Variants in PICALM observed in about 807,000 individuals in gnomAD.
PICALM encodes the protein phosphatidylinositol-binding clathrin assembly protein.
In PICALM, 40 loss-of-function variants were observed where a neutral mutation model predicts 80.5. That is an observed-to-expected ratio of 0.50 (90% confidence interval 0.39 to 0.65). The LOEUF (loss-of-function observed/expected upper bound fraction) is 0.65, where lower values mean the gene tolerates loss of function less well. PICALM is among the 30% of genes least tolerant of loss of function. PICALM has a pLI of 0.00. For missense variants in PICALM, 676 were observed against 778.9 expected (o/e 0.87, Z 1.57); for synonymous variants, 288 against 260.3 (o/e 1.11, Z -1.02).
In PICALM at chr11:86,064,626, C is replaced by T. The variant is rs376868379; in HGVS notation, c.130+4025G>A. On this transcript the variant is annotated intron_variant, in intron 1 of 19. Transcript: ENST00000393346. ...TTCCACCACTGCACTCCAGCCTGGGCAACAGAGTAAGACCCACCTCATTTT... is the reference window on the plus strand; with the variant it reads ...TTCCACCACTGCACTCCAGCCTGGGTAACAGAGTAAGACCCACCTCATTTT... Among the ~76,000 whole-genome samples the T allele has an allele frequency of 3.8e-5, 5 of 130,972 alleles. No homozygotes were observed. The East Asian group carries it at 1.1e-3, about 28-fold the overall frequency. 85.9% of individuals were successfully genotyped at this position (130,972 alleles called of 152,430 possible). A position where few individuals can be genotyped will look rare whatever the true frequency, so the allele number is the denominator to read the frequency against.
chr11:86,057,439 T>A (rs1185036177), intron 1 of PICALM, among the ~76,000 whole-genome samples: 1 of 152,076 alleles, frequency 6.6e-6, no homozygotes, highest in Non-Finnish European at 1.5e-5. Flanking sequence ...CCCGGGAGGC[T>A]GAGACAGGAG....
intron 4 of PICALM, among the ~76,000 whole-genome samples, chr11:86,017,154 C>G (rs1392188045): frequency 2.0e-5 from 3 of 150,640 alleles, no homozygotes; most frequent in African/African-American, 7.3e-5. Flanking sequence ...ATCTGGAAGG[C>G]GGAGGTTGCA....
intron 7 of PICALM, among the ~76,000 whole-genome samples, chr11:86,010,643 G>A (rs1398777807): frequency 1.3e-5 from 2 of 152,038 alleles, no homozygotes; most frequent in Non-Finnish European, 2.9e-5. Flanking sequence ...TTTGAACTAT[G>A]GCTCCAGCTG....
chr11:86,045,424 C>G (rs1025251059), intron 1 of PICALM, among the ~76,000 whole-genome samples: 2 of 148,670 alleles, frequency 1.3e-5, no homozygotes, highest in South Asian at 2.1e-4. Flanking sequence ...ATCACTTCAG[C>G]CCAAGAGTTT....
chr11:85,986,456 TC>T (rs1206830469), intron 13 of PICALM, among the ~76,000 whole-genome samples: 1 of 134,486 alleles, frequency 7.4e-6, no homozygotes, highest in Non-Finnish European at 1.6e-5. Flanking sequence ...AGTGGCGCAA[TC>T]TCGGCTCACT....
rs752954277 is a variant in PICALM at position 86,059,118 on chromosome 11, G to C, written c.130+9533C>G. Among the ~76,000 whole-genome samples the C allele has an allele frequency of 2.1e-4, 32 of 152,190 alleles. 1 individual carries two copies. Among genetic ancestry groups the C allele is most frequent in the Admixed American group, 5.2e-4 (8 of 15,290 alleles). ...GACTCTATATATAAATTTGTAACCA[G>C]GCAATTTCCATAGTCACCATAAAAA... On this transcript the variant is annotated intron_variant, in intron 1 of 19. Coordinates refer to ENST00000393346, the MANE Select transcript of PICALM (RefSeq NM_007166.4).
chr11:85,959,020 G>C lies in PICALM; in HGVS notation c.*26C>G, dbSNP rs2093597502. The C allele has an allele frequency of 1.3e-6, 2 of 1,577,424 alleles. No homozygotes were observed. Among genetic ancestry groups the C allele is most frequent in the Non-Finnish European group, 1.7e-6 (2 of 1,154,620 alleles). On this transcript the variant is annotated 3_prime_UTR_variant, in exon 20 of 20. Coordinates refer to ENST00000393346, the MANE Select transcript of PICALM (RefSeq NM_007166.4). ...TGCTGCTTGAGCACTTGTCTTTTTG[G>C]AGTAATTCCATTTTCTTCCATCAAG...
intron 7 of PICALM, among the ~76,000 whole-genome samples, chr11:86,008,812 C>T (rs1472155457): frequency 6.6e-6 from 1 of 151,662 alleles, no homozygotes; most frequent in Non-Finnish European, 1.5e-5. Flanking sequence ...GGACTCTGGC[C>T]GGGCGCGGTG....
At chr11:86,049,492 C>T (rs1157641890) in intron 1 of PICALM, among the ~76,000 whole-genome samples, 4 of 152,144 alleles carry the variant, frequency 2.6e-5, no homozygotes, top group South Asian at 2.1e-4. Flanking sequence ...CCCATGACAG[C>T]TCGCCTGAAA....
At chr11:85,965,577 A>G (rs527415304) in intron 19 of PICALM, among the ~76,000 whole-genome samples, 71 of 152,238 alleles carry the variant, frequency 4.7e-4, no homozygotes, top group African/African-American at 1.7e-3. Flanking sequence ...TCATTTATTT[A>G]TATTAAAGAT....
intron 4 of PICALM, among the ~76,000 whole-genome samples, chr11:86,021,178 T>C (rs1405367637): frequency 6.6e-6 from 1 of 152,066 alleles, no homozygotes; most frequent in Non-Finnish European, 1.5e-5. Flanking sequence ...TGAGAACTCA[T>C]TTGTATGAAA....
intron 1 of PICALM, among the ~76,000 whole-genome samples, chr11:86,050,754 A>G (rs1257918079): frequency 6.6e-6 from 1 of 152,192 alleles, no homozygotes; most frequent in Non-Finnish European, 1.5e-5. Flanking sequence ...TGATCCCCCA[A>G]TATGAACAAC....
intron 19 of PICALM, among the ~76,000 whole-genome samples, chr11:85,966,054 A>C (rs191997038): frequency 2.0e-5 from 3 of 151,936 alleles, no homozygotes; most frequent in East Asian, 3.9e-4. Flanking sequence ...TGACCTCGTG[A>C]TCTGCACCCC....
chr11:85,990,734 G>T (rs978964394), intron 12 of PICALM, among the ~76,000 whole-genome samples: 1 of 152,134 alleles, frequency 6.6e-6, no homozygotes, highest in Non-Finnish European at 1.5e-5. Flanking sequence ...GAGTGTGCTG[G>T]TCGTGGTGGT....
intron 1 of PICALM, among the ~76,000 whole-genome samples, chr11:86,059,580 C>T (rs1470894714): frequency 4.6e-5 from 7 of 152,114 alleles, no homozygotes; most frequent in South Asian, 4.2e-4. Flanking sequence ...GCCAGAAGTT[C>T]GAGACCAGCC....
At chr11:85,980,319 A>G (rs1218007939) in intron 17 of PICALM, among the ~76,000 whole-genome samples, 4 of 152,088 alleles carry the variant, frequency 2.6e-5, no homozygotes, top group Non-Finnish European at 5.9e-5. Context: ...TAAAATTCCA[A>G]CTCTGGCACC....
chr11:86,011,167 T>C, intron 6 of PICALM, 31 bp from the exon 7 acceptor site: 1 of 984,400 alleles, frequency 1.0e-6, no homozygotes, highest in Non-Finnish European at 1.6e-6. Flanking sequence ...ATTCTTTTGT[T>C]CACATCAAAA....
intron 2 of PICALM, among the ~76,000 whole-genome samples, chr11:86,028,637 C>T (rs2095692206): frequency 6.6e-6 from 1 of 152,070 alleles, no homozygotes; most frequent in African/African-American, 2.4e-5. Flanking sequence ...GTGACTTACC[C>T]AAGTCACCCA....
At chr11:86,020,212 A>G (rs1565438344) in intron 4 of PICALM, among the ~76,000 whole-genome samples, 1 of 145,964 alleles carries the variant, frequency 6.9e-6, no homozygotes, top group Non-Finnish European at 1.5e-5. Context: ...CAGCACTGAA[A>G]GAAATGAAAA....
Sources: gnomAD v4.1 joint callset for allele counts (sites outside exome capture counted in the v4.1 genomes callset) on GRCh38, gnomAD v4.1.1 for gene constraint, MANE v1.5 for transcripts, NCBI Gene and HGNC (gene_info 2026-07-23, HGNC 2026-07-21) for gene names.